The following APC2 variants were observed in gnomAD, a reference collection of about 807,000 sequenced individuals.
The protein encoded by APC2 is APC regulator of Wnt signaling pathway 2.
In APC2, 41 loss-of-function variants were observed where a neutral mutation model predicts 72.5. The ratio of observed to expected loss-of-function variants is 0.57; its 90% CI spans 0.44 to 0.73. The LOEUF is 0.73. APC2 is among the 30% of genes least tolerant of loss of function. The pLI is 0.00. For synonymous variants in APC2, 1,898 were observed against 1,612.0 expected (o/e 1.18, Z -4.25); for missense variants, 3,729 against 3,403.4 (o/e 1.10, Z -2.38).
upstream of APC2, among the ~76,000 whole-genome samples, chr19:1,447,385 T>C (rs1397520785): frequency 6.6e-6 from 1 of 152,034 alleles, no homozygotes; most frequent in Non-Finnish European, 1.5e-5. Context: ...GCTGCGGACT[T>C]GCGGGGAGGT....
Position 1,452,947 on chromosome 19 carries a change from A to G in APC2, c.-18-37A>G. 6.2e-7 allele frequency: 1 copy of G among 1,600,274 alleles called. No homozygotes were observed. The highest frequency in any genetic ancestry group is 8.5e-7 in the Non-Finnish European group (1 of 1,173,908). On this transcript the variant is annotated intron_variant, in intron 1 of 14. Transcript: ENST00000590469. The surrounding 1 kb of genome is among the most constrained non-coding windows in gnomAD (Gnocchi z 5.1). The stretch of plus-strand genomic sequence containing the variant: ...CGGAAGGCATCACCGCGCCCTCCCC[A>G]GACCATCAGCTGAACCCTCTGACCC...
chr19:1,467,204 C>T lies in APC2; in HGVS notation c.3903C>T (p.Cys1301=), dbSNP rs755644938. 57 of 1,432,558 alleles carry T rather than the reference C, an allele frequency of 4.0e-5. No homozygotes were observed. Among genetic ancestry groups the T allele is most frequent in the Non-Finnish European group, 5.0e-5 (55 of 1,099,740 alleles). 88.7% of individuals were successfully genotyped at this position (1,432,558 alleles called of 1,614,324 possible). ...AGCTGCGGCTGCTGCCCTCGGCCTG[C>T]CCCGAGCGCGGCGGGGGCGCCGGGG... ...DVELRLLPSA[C]PERGGGAGGA... Residue 1301 remains cysteine (C), a synonymous_variant, in exon 15 of 15, where the codon TGC becomes TGT. Coordinates refer to ENST00000590469, the MANE Select transcript of APC2 (RefSeq NM_005883.3).
intron 14 of APC2, among the ~76,000 whole-genome samples, chr19:1,462,655 CAA>C (rs34103912): frequency 7.2e-4 from 18 of 24,918 alleles, no homozygotes; most frequent in African/African-American, 1.8e-3. Context: ...AACTTCATCT[CAA>C]AAAAAAAAAA....
Position 1,469,417 on chromosome 19 carries a change from GCTC to G in APC2, c.6120_6122del (p.Ser2041del). 1 of 1,190,396 alleles carries G rather than the reference GCTC, an allele frequency of 8.4e-7. No homozygotes were observed. Among genetic ancestry groups the G allele is most frequent in the Non-Finnish European group, 1.0e-6 (1 of 963,440 alleles). The allele number at this position is 1,190,396 out of a possible 1,614,324, so 73.7% of individuals were successfully genotyped here. A position where few individuals can be genotyped will look rare whatever the true frequency, so the allele number is the denominator to read the frequency against. ...CCCGCGCTGCCCGCCGTCTTCCTCT[GCTC>G]CTCGCGCTGCGAAGAGCTCCGAGCG... is the stretch of plus-strand genomic sequence containing the variant. On this transcript the variant is annotated inframe_deletion, in exon 15 of 15. Transcript: ENST00000590469.
Position 1,469,457 on chromosome 19 carries a change from G to GGGCCC in APC2, c.6162_6166dup (p.Pro2056ArgfsTer281). 1 of 1,142,848 alleles carries GGGCCC rather than the reference G, an allele frequency of 8.8e-7. No individual in the cohort carries two copies. The highest frequency in any genetic ancestry group is 1.1e-6 in the Non-Finnish European group (1 of 934,192). The allele number at this position is 1,142,848 out of a possible 1,614,324, so 70.8% of individuals were successfully genotyped here. A position where few individuals can be genotyped will look rare whatever the true frequency, so the allele number is the denominator to read the frequency against. ...AAGAGCTCCGAGCGGCACCCCGGCA[G>GGGCCC]GGCCCGGCCCCGGCCCGGCAGCGGC... is the stretch of plus-strand genomic sequence containing the variant. On this transcript the variant is annotated frameshift_variant, in exon 15 of 15. Transcript: ENST00000590469. LOFTEE classifies it low-confidence loss of function (END_TRUNC).
rs1367099723 is a variant in APC2 at position 1,466,725 on chromosome 19, G to A, written c.3424G>A (p.Ala1142Thr). The part of the protein sequence containing the change: ...NRGRGLGVED[A>T]TPSSSSENYV... The stretch of plus-strand genomic sequence containing the variant: ...AGGCCGGGGCCTGGGGGTGGAAGAC[G>A]CCACGCCGTCCAGCTCGTCGGAGAA... The change falls in exon 15 of 15, where the codon GCC becomes ACC. Residue 1142 changes from alanine to threonine, a missense_variant. Transcript: ENST00000590469. 2.6e-6 allele frequency: 4 copies of A among 1,537,852 alleles called. No homozygotes were observed. Among genetic ancestry groups the A allele is most frequent in the East Asian group, 2.4e-5 (1 of 40,982 alleles).
chr19:1,460,424 G>T, intron 11 of APC2, 104 bp downstream of exon 11: 9 of 1,537,518 alleles, frequency 5.9e-6, no homozygotes, highest in Non-Finnish European at 8.0e-6. Flanking sequence ...TGAGAGCTGG[G>T]GCCACTTGTC....
Position 1,470,086 on chromosome 19 carries a change from G to A in APC2, c.6785G>A (p.Gly2262Asp). ...GGGGGCTTCCCCGCCAGCCGGCACGGCTCCCCCAGCCGCTCGGCCCGAGTA... is the reference window on the plus strand; with the variant it reads ...GGGGGCTTCCCCGCCAGCCGGCACGACTCCCCCAGCCGCTCGGCCCGAGTA... ...AVGGFPASRH[G>D]SPSRSARVPP... The change falls in exon 15 of 15, where the codon GGC (glycine) becomes GAC (aspartate). Residue 2262 changes from glycine (G) to aspartate (D), a missense_variant. Coordinates refer to ENST00000590469, the MANE Select transcript of APC2 (RefSeq NM_005883.3). 6.2e-7 allele frequency: 1 copy of A among 1,602,380 alleles called. No homozygotes were observed. Among genetic ancestry groups the A allele is most frequent in the Non-Finnish European group, 8.5e-7 (1 of 1,177,044 alleles).
intron 11 of APC2, 24 bp downstream of exon 11, chr19:1,460,344 T>G (rs745510423): frequency 1.2e-6 from 2 of 1,612,928 alleles, no homozygotes; most frequent in East Asian, 4.5e-5. Context: ...GTGGGTGGGC[T>G]GGCACTTTCC....
At chr19:1,459,240 T>G (rs1229585853) in intron 10 of APC2, among the ~76,000 whole-genome samples, 1 of 152,208 alleles carries the variant, frequency 6.6e-6, no homozygotes, top group African/African-American at 2.4e-5. Flanking sequence ...GGTCTTGCTC[T>G]GTTGCCCATG....
intron 6 of APC2, among the ~76,000 whole-genome samples, 167 bp from the exon 7 acceptor site, chr19:1,455,909 T>G (rs1471809770): frequency 5.0e-5 from 2 of 39,964 alleles, no homozygotes; most frequent in African/African-American, 2.3e-4. Flanking sequence ...CTTAGGGAGC[T>G]GGCAGGGCTG....
intron 14 of APC2, among the ~76,000 whole-genome samples, 176 bp downstream of exon 14, chr19:1,462,353 T>C (rs931825002): frequency 6.6e-6 from 1 of 152,160 alleles, no homozygotes; most frequent in Non-Finnish European, 1.5e-5. Flanking sequence ...CAGACCTATT[T>C]ATTACATTAA....
intron 13 of APC2, chr19:1,461,416 A>G (rs1278454485): frequency 9.6e-6 from 5 of 521,244 alleles, no homozygotes; most frequent in Non-Finnish European, 1.4e-5. Flanking sequence ...CTCTACTAAA[A>G]AAAACAGCCA....
Position 1,469,555 on chromosome 19 carries a change from C to T in APC2, c.6254C>T (p.Pro2085Leu). The T allele has an allele frequency of 8.1e-7, 1 of 1,231,086 alleles. No homozygotes were observed. The highest frequency in any genetic ancestry group is 1.0e-6 in the Non-Finnish European group (1 of 971,764). The allele number at this position is 1,231,086 out of a possible 1,614,324, so 76.3% of individuals were successfully genotyped here. The change falls in exon 15 of 15, where the codon CCT becomes CTT. Residue 2085 changes from proline (P) to leucine (L), a missense_variant. Coordinates refer to ENST00000590469, the MANE Select transcript of APC2 (RefSeq NM_005883.3). ...RTTSESPSRL[P>L]VRAPAARPET... ...ACCTCCGAGAGCCCGTCCCGCCTGC[C>T]TGTGCGCGCGCCCGCCGCCCGGCCG... is the stretch of plus-strand genomic sequence containing the variant.
Position 1,470,633 on chromosome 19 carries a change from G to A in APC2, c.*420G>A, listed in dbSNP as rs2084118545. The A allele has an allele frequency of 5.9e-6, 1 of 169,968 alleles. No individual in the cohort carries two copies. Among genetic ancestry groups the A allele is most frequent in the Admixed American group, 6.4e-5 (1 of 15,706 alleles). The allele number at this position is 169,968 out of a possible 1,614,324, so 10.5% of individuals were successfully genotyped here. On this transcript the variant is annotated 3_prime_UTR_variant, in exon 15 of 15. Transcript: ENST00000590469. ...GGTGACGGCGCCCGCCGCAGGTGGG[G>A]CGAGGCTGGGGGAGGGCGGCGCCGC... is the stretch of plus-strand genomic sequence containing the variant.
intron 14 of APC2, among the ~76,000 whole-genome samples, chr19:1,463,525 G>T (rs1438199811): frequency 6.6e-6 from 1 of 151,346 alleles, no homozygotes; most frequent in East Asian, 1.9e-4. Context: ...GGAGGTTGCA[G>T]TGTGCCAGGA....
chr19:1,457,742 T>C, intron 9 of APC2: 1 of 595,152 alleles, frequency 1.7e-6, no homozygotes, highest in Non-Finnish European at 3.0e-6. Flanking sequence ...CTGAAAGGTG[T>C]GGTGCTCCAG....
Position 1,466,487 on chromosome 19 carries a change from G to A in APC2, c.3186G>A (p.Glu1062=). Residue 1062 remains glutamate, a synonymous_variant, in exon 15 of 15, where the codon GAG becomes GAA. Transcript: ENST00000590469. ...SKALQKLAAQ[E]GPLSLSRCSS... is the part of the protein sequence containing the mutation. ...CACTGCAGAAACTGGCGGCGCAAGA[G>A]GGGCCACTCTCGCTGTCCCGATGCA... 1 of 1,597,880 alleles carries A rather than the reference G, an allele frequency of 6.3e-7. No individual in the cohort carries two copies. Among genetic ancestry groups the A allele is most frequent in the Non-Finnish European group, 8.5e-7 (1 of 1,179,440 alleles).
chr19:1,457,841 T>C, intron 9 of APC2, 124 bp from the exon 10 acceptor site: 1 of 787,506 alleles, frequency 1.3e-6, no homozygotes, highest in Non-Finnish European at 2.1e-6. Context: ...AGTCCCAACT[T>C]TGCAGCCATT....
Sources: allele counts gnomAD v4.1 joint callset (sites outside exome capture counted in the v4.1 genomes callset), GRCh38; gene constraint gnomAD v4.1.1; non-coding constraint Gnocchi (gnomAD v3.1); transcripts MANE v1.5; gene names NCBI Gene and HGNC (gene_info 2026-07-23, HGNC 2026-07-21).